CDC16: variants seen among roughly 807,000 people sequenced by gnomAD.
CDC16 encodes cell division cycle protein 16 homolog.
CDC16 carries 34 observed loss-of-function variants against 87.0 expected under a neutral mutation model. That is an observed-to-expected ratio of 0.39 (90% CI 0.30 to 0.52). CDC16 has a LOEUF of 0.52. Ranked by LOEUF, CDC16 falls within the 20% of genes least tolerant of loss-of-function variation. CDC16 has a pLI of 0.74. For missense variants in CDC16, 653 were observed against 751.9 expected, an observed-to-expected ratio of 0.87 and a Z score of 1.54; for synonymous variants, 263 against 260.6, an observed-to-expected ratio of 1.01 and a Z score of -0.09.
At chr13:114,250,271 G>A (rs1218851519) in intron 11 of CDC16, among the ~76,000 whole-genome samples, 1 of 152,064 alleles carries the variant, frequency 6.6e-6, no homozygotes, top group African/African-American at 2.4e-5. Context: ...GGTGGGTGGA[G>A]CACCTGAGGT....
At chr13:114,251,302 C>T (rs1188898575) in intron 12 of CDC16, among the ~76,000 whole-genome samples, 1 of 152,116 alleles carries the variant, frequency 6.6e-6, no homozygotes, top group Non-Finnish European at 1.5e-5. Context: ...TCTTCCACTC[C>T]CAGCCATGTG....
intron 16 of CDC16, among the ~76,000 whole-genome samples, chr13:114,263,754 G>A (rs2083008738): frequency 1.3e-5 from 2 of 151,880 alleles, no homozygotes; most frequent in Non-Finnish European, 2.9e-5. Context: ...TCTCTCTCTC[G>A]TCCCTCTCAG....
chr13:114,235,820 T>C (rs2081221310), intron 1 of CDC16, among the ~76,000 whole-genome samples: 1 of 152,262 alleles, frequency 6.6e-6, no homozygotes, highest in Non-Finnish European at 1.5e-5. Flanking sequence ...TTTGGAGGGC[T>C]GTGTTTTTAT....
chr13:114,272,501 C>G lies in CDC16; in HGVS notation c.*58C>G. On this transcript the variant is annotated 3_prime_UTR_variant, in exon 18 of 18. Transcript: ENST00000356221. ...GTGTAGGTTAGTATTCCTTCACATC[C>G]TCTCCATGGCTTAAGAATGTCCCAC... 2.1e-6 allele frequency: 3 copies of G among 1,455,398 alleles called. No homozygotes were observed. The highest frequency in any genetic ancestry group is 2.8e-6 in the Non-Finnish European group (3 of 1,059,538). The allele number at this position is 1,455,398 out of a possible 1,614,324, so 90.2% of individuals were successfully genotyped here. A position where few individuals can be genotyped will look rare whatever the true frequency, so the allele number is the denominator to read the frequency against.
At chr13:114,250,524 A>T (rs749703741) in intron 11 of CDC16, 25 bp from the exon 12 acceptor site, 15 of 1,590,044 alleles carry the variant, frequency 9.4e-6, no homozygotes, top group African/African-American at 2.7e-5. Flanking sequence ...ATACTATATG[A>T]CTTAAATTAA....
rs1473094797 is a variant in CDC16 at position 114,234,920 on chromosome 13, G to T, written c.-165G>T. 2 of 408,220 alleles carry T rather than the reference G, an allele frequency of 4.9e-6. No individual in the cohort carries two copies. The highest frequency in any genetic ancestry group is 4.5e-5 in the Admixed American group (1 of 22,204). 25.3% of individuals were successfully genotyped at this position (408,220 alleles called of 1,614,324 possible). A position where few individuals can be genotyped will look rare whatever the true frequency, so the allele number is the denominator to read the frequency against. ...GCAGTGCACGGGGCCTGGGTGGGGG[G>T]TGCGGGTGTGGGTGGGGACCTGCGG... is the stretch of plus-strand genomic sequence containing the variant. On this transcript the variant is annotated 5_prime_UTR_variant, in exon 1 of 18. Coordinates refer to ENST00000356221, the MANE Select transcript of CDC16 (RefSeq NM_001078645.3).
intron 17 of CDC16, among the ~76,000 whole-genome samples, chr13:114,269,062 A>G (rs909813107): frequency 6.6e-6 from 1 of 151,982 alleles, no homozygotes; most frequent in Non-Finnish European, 1.5e-5. Context: ...ACAACGTGTT[A>G]TTTTTACAAT....
Position 114,272,262 on chromosome 13 carries a change from C to T in CDC16, c.1682C>T (p.Pro561Leu), listed in dbSNP as rs1249393269. The T allele has an allele frequency of 1.9e-6, 3 of 1,613,296 alleles. No homozygotes were observed. Among genetic ancestry groups the T allele is most frequent in the Admixed American group, 1.7e-5 (1 of 60,000 alleles). The change falls in exon 18 of 18, where the codon CCT (proline) becomes CTT (leucine). Residue 561 changes from proline to leucine, a missense_variant. By Grantham distance (98) the Pro-to-Leu change is moderately conservative (BLOSUM62 -3). Transcript: ENST00000356221. Reference sequence around the variant, plus strand: ...AAGACACTAAAAAACATTATTTCACCTCCGTGGGATTTCAGGGAATTTGAA... The same window carrying T: ...AAGACACTAAAAAACATTATTTCACTTCCGTGGGATTTCAGGGAATTTGAA... Reference protein sequence around the residue: ...TMKTLKNIISPPWDFREFEVE... With the variant: ...TMKTLKNIISLPWDFREFEVE...
At chr13:114,259,434 C>T (rs778316046) in intron 14 of CDC16, 36 bp downstream of exon 14, 1 of 1,196,712 alleles carries the variant, frequency 8.4e-7, no homozygotes, top group Non-Finnish European at 1.2e-6. Context: ...TACACATATA[C>T]ACCCCTGAGT....
At chr13:114,271,164 A>G (rs17338375) in intron 17 of CDC16, among the ~76,000 whole-genome samples, 3,728 of 151,208 alleles carry the variant, frequency 0.025, 157 homozygotes, top group African/African-American at 0.086. Context: ...CTCGTGATCC[A>G]CCCGCCTCGG....
At chr13:114,248,967 C>G (rs2082013681) in intron 11 of CDC16, among the ~76,000 whole-genome samples, 1 of 152,030 alleles carries the variant, frequency 6.6e-6, no homozygotes, top group Non-Finnish European at 1.5e-5. Context: ...GAAGCCCCCC[C>G]TCCCAGGGTG....
At chr13:114,248,674 C>CT (rs2081993992) in intron 11 of CDC16, among the ~76,000 whole-genome samples, 1 of 151,286 alleles carries the variant, frequency 6.6e-6, no homozygotes, top group Admixed American at 6.6e-5. Flanking sequence ...GAGTGAGACT[C>CT]TGTCTCAAAA....
intron 17 of CDC16, among the ~76,000 whole-genome samples, chr13:114,269,866 A>C (rs2083492290): frequency 6.6e-6 from 1 of 151,846 alleles, no homozygotes; most frequent in South Asian, 2.1e-4. Context: ...CACCACACCT[A>C]GCTAATTTTT....
Position 114,236,697 on chromosome 13 carries a change from G to T in CDC16, c.101G>T (p.Arg34Leu), listed in dbSNP as rs1284878840. 6.2e-7 allele frequency: 1 copy of T among 1,612,272 alleles called. No homozygotes were observed. The highest frequency in any genetic ancestry group is 8.5e-7 in the Non-Finnish European group (1 of 1,179,878). ...GCAGATAAAGTAGCTTCACTCTCTCGTGGTAAGTGACAAAATGCTAACTGG... is the reference window on the plus strand; with the variant it reads ...GCAGATAAAGTAGCTTCACTCTCTCTTGGTAAGTGACAAAATGCTAACTGG... ...FWADKVASLS[R>L]EEPQDIYWLA... Residue 34 changes from arginine (R) to leucine (L), a missense_variant and splice_region_variant, in exon 2 of 18, where the codon CGT becomes CTT. Coordinates refer to ENST00000356221, the MANE Select transcript of CDC16 (RefSeq NM_001078645.3).
At chr13:114,256,051 T>C (rs931113427) in intron 12 of CDC16, among the ~76,000 whole-genome samples, 2 of 152,226 alleles carry the variant, frequency 1.3e-5, no homozygotes, top group African/African-American at 2.4e-5. Context: ...GCTGTTGTTA[T>C]GAGACTGCTT....
At chr13:114,238,654 C>T (rs530861098) in intron 3 of CDC16, among the ~76,000 whole-genome samples, 14 of 152,346 alleles carry the variant, frequency 9.2e-5, no homozygotes, top group African/African-American at 2.9e-4. Context: ...ACCACTTACT[C>T]GCTGCCTCAC....
Position 114,236,663 on chromosome 13 carries a change from C to G in CDC16, c.67C>G (p.Leu23Val). 6.2e-7 allele frequency: 1 copy of G among 1,611,008 alleles called. No homozygotes were observed. Among genetic ancestry groups the G allele is most frequent in the Non-Finnish European group, 8.5e-7 (1 of 1,179,232 alleles). ...TATGCAGCAACAGTATCAAAGTGCT[C>G]TATTTTGGGCAGATAAAGTAGCTTC... ...YLDQQQYQSA[L>V]FWADKVASLS... Residue 23 changes from leucine (L) to valine (V), a missense_variant, in exon 2 of 18, where the codon CTA becomes GTA. Transcript: ENST00000356221.
intron 12 of CDC16, among the ~76,000 whole-genome samples, chr13:114,255,968 C>G (rs2082471896): frequency 6.6e-6 from 1 of 152,210 alleles, no homozygotes; most frequent in African/African-American, 2.4e-5. Flanking sequence ...CAGCAGTTCC[C>G]TGTGGGGTGT....
chr13:114,272,684 CTTTT>C lies in CDC16; in HGVS notation c.*247_*250del. On this transcript the variant is annotated 3_prime_UTR_variant, in exon 18 of 18. Transcript: ENST00000356221. Reference sequence around the variant, plus strand: ...AAAGAAGGTAAACCATCTGTTATGTCTTTTTTTTTCTTTTCCAATAAACTTTTAT... The same window carrying C: ...AAAGAAGGTAAACCATCTGTTATGTCTTTTTCTTTTCCAATAAACTTTTAT... 1 of 354,706 alleles carries C rather than the reference CTTTT, an allele frequency of 2.8e-6. No homozygotes were observed. The highest frequency in any genetic ancestry group is 5.0e-6 in the Non-Finnish European group (1 of 198,658). 22.0% of individuals were successfully genotyped at this position (354,706 alleles called of 1,614,324 possible).
Sources: allele counts gnomAD v4.1 joint callset (sites outside exome capture counted in the v4.1 genomes callset), GRCh38; gene constraint gnomAD v4.1.1; transcripts MANE v1.5; gene names NCBI Gene and HGNC (gene_info 2026-07-23, HGNC 2026-07-21).